Variants in AMPD2 observed in about 807,000 individuals in gnomAD.
AMPD2 encodes the protein AMP deaminase 2.
AMPD2 carries 52 observed loss-of-function variants against 91.3 expected under a neutral mutation model. That is an observed-to-expected ratio of 0.57 (90% confidence interval 0.46 to 0.72). AMPD2 has a LOEUF of 0.72. AMPD2 is among the 30% of genes least tolerant of loss of function. The pLI, the probability that AMPD2 is intolerant of heterozygous loss-of-function variation, is 0.00. For missense variants in AMPD2, 822 were observed against 1,122.3 expected, an observed-to-expected ratio of 0.73 and a Z score of 3.82; for synonymous variants, 455 against 456.4, an observed-to-expected ratio of 1.00 and a Z score of 0.04.
chr1:109,621,408 C>A, intron 2 of AMPD2, 142 bp downstream of exon 2: 1 of 678,850 alleles, frequency 1.5e-6, no homozygotes, highest in Non-Finnish European at 2.4e-6. Flanking sequence ...GTCCCAGGGA[C>A]AGCCGGCTTG....
chr1:109,623,283 C>G (rs77927680), intron 2 of AMPD2, among the ~76,000 whole-genome samples: 2,146 of 152,284 alleles, frequency 0.014, 38 homozygotes, highest in African/African-American at 0.049. Flanking sequence ...GATGAGGACC[C>G]AAAGCCTCCC....
In AMPD2 at chr1:109,630,824, G is replaced by A. The variant is rs186933426; in HGVS notation, c.2268+31G>A. The A allele has an allele frequency of 2.8e-4, 444 of 1,595,748 alleles. 1 individual carries two copies. Among genetic ancestry groups the A allele is most frequent in the South Asian group, 4.8e-4 (43 of 88,776 alleles). On this transcript the variant is annotated intron_variant, in intron 18 of 18. Coordinates refer to ENST00000528667, the MANE Select transcript of AMPD2 (RefSeq NM_001368809.2). ...ACAGCGCCTGCCTGGACCTTGGCAT[G>A]GCATCACTCCTCCCCTCCTCTGCAT...
Position 109,631,298 on chromosome 1 carries a change from C to T in AMPD2, c.*146C>T. ...TCCTACCATGTCACTGTCCCTGGGC[C>T]ACCCAGTGAAAGCAAAGCCTGGGAA... On this transcript the variant is annotated 3_prime_UTR_variant, in exon 19 of 19. Coordinates refer to ENST00000528667, the MANE Select transcript of AMPD2 (RefSeq NM_001368809.2). 2 of 849,722 alleles carry T rather than the reference C, an allele frequency of 2.4e-6. No individual in the cohort carries two copies. Among genetic ancestry groups the T allele is most frequent in the Non-Finnish European group, 3.7e-6 (2 of 537,212 alleles). The allele number at this position is 849,722 out of a possible 1,614,324, so 52.6% of individuals were successfully genotyped here.
Position 109,621,244 on chromosome 1 carries a change from G to T in AMPD2, c.69G>T (p.Leu23=). 6.2e-7 allele frequency: 1 copy of T among 1,612,766 alleles called. No individual in the cohort carries two copies. ...ATCCCTTTAAGAAGCGGGCCAGCCT[G>T]CAGGCCTCCACTGCAGCTCCAGGTG... ...AKYPFKKRAS[L]QASTAAPEAR... The change falls in exon 2 of 19, where the codon CTG becomes CTT. Residue 23 remains leucine, a synonymous_variant. Transcript: ENST00000528667.
Position 109,625,389 on chromosome 1 carries a change from G to A in AMPD2, c.178G>A (p.Asp60Asn), listed in dbSNP as rs754712604. Residue 60 changes from aspartate to asparagine, a missense_variant, in exon 3 of 19, where the codon GAC (aspartate) becomes AAC (asparagine). By Grantham distance (23) the Asp-to-Asn change is conservative (BLOSUM62 1). Coordinates refer to ENST00000528667, the MANE Select transcript of AMPD2 (RefSeq NM_001368809.2). The surrounding 1 kb of genome is among the most constrained non-coding windows in gnomAD (Gnocchi z 4.0). ...PAPCLKHFPL[D>N]LRTSMDGKCK... ...CCCCTGCCTCAAGCACTTCCCGCTC[G>A]ACCTGCGCACGTCTATGGATGGCAA... 74 of 1,613,826 alleles carry A rather than the reference G, an allele frequency of 4.6e-5. No homozygotes were observed. The highest frequency in any genetic ancestry group is 5.7e-5 in the Non-Finnish European group (67 of 1,180,004).
In AMPD2 at chr1:109,625,437, T is replaced by C; in HGVS notation, c.222+4T>C. Reference sequence around the variant, plus strand: ...CAAATGCAAGGAGATCGCCGAGGTATCACCTGGCACCACCCGCACCCTCAC... The same window carrying C: ...CAAATGCAAGGAGATCGCCGAGGTACCACCTGGCACCACCCGCACCCTCAC... On this transcript the variant is annotated splice_donor_region_variant and intron_variant, in intron 3 of 18. Coordinates refer to ENST00000528667, the MANE Select transcript of AMPD2 (RefSeq NM_001368809.2). This position sits in a 1 kb window ranked among gnomAD's most constrained non-coding sequence, Gnocchi z 4.0. The C allele has an allele frequency of 6.2e-7, 1 of 1,613,858 alleles. No homozygotes were observed. The highest frequency in any genetic ancestry group is 8.5e-7 in the Non-Finnish European group (1 of 1,179,948).
chr1:109,630,276 T>C lies in AMPD2; in HGVS notation c.2027T>C (p.Ile676Thr). ...CTGTACTACCTGGCCCAGATCGGCA[T>C]CGCCATGTCTCCGCTCAGCAACAAC... Reference protein sequence around the residue: ...QYLYYLAQIGIAMSPLSNNSL... With the variant: ...QYLYYLAQIGTAMSPLSNNSL... Residue 676 changes from isoleucine (I) to threonine (T), a missense_variant, in exon 17 of 19, where the codon ATC becomes ACC. This residue lies in a region of AMPD2 where 430 missense variants were observed against 606.0 expected (regional missense o/e 0.71). Transcript: ENST00000528667. 6.2e-7 allele frequency: 1 copy of C among 1,613,742 alleles called. No individual in the cohort carries two copies. The highest frequency in any genetic ancestry group is 8.5e-7 in the Non-Finnish European group (1 of 1,179,978).
At position 109,625,539 on chromosome 1, in the gene AMPD2, TC is replaced by T. The variant is rs1650594167; in HGVS notation, c.222+108del. The T allele has an allele frequency of 6.3e-7, 1 of 1,595,704 alleles. No homozygotes were observed. Among genetic ancestry groups the T allele is most frequent in the African/African-American group, 1.3e-5 (1 of 74,832 alleles). On this transcript the variant is annotated intron_variant, in intron 3 of 18. Transcript: ENST00000528667. This position sits in a 1 kb window ranked among gnomAD's most constrained non-coding sequence, Gnocchi z 4.0. ...TCCCCTCACCTCACGCTTGGCTGTC[TC>T]CTGATCCTCAGCCTCTCCCAGGTAC...
At position 109,628,479 on chromosome 1, in the gene AMPD2, T is replaced by A; in HGVS notation, c.1391T>A (p.Phe464Tyr). 6.2e-7 allele frequency: 1 copy of A among 1,612,620 alleles called. No homozygotes were observed. Among genetic ancestry groups the A allele is most frequent in the Non-Finnish European group, 8.5e-7 (1 of 1,179,964 alleles). The part of the protein sequence containing the change: ...KTDNRVSGKY[F>Y]AHIIKEVMSD... The stretch of plus-strand genomic sequence containing the variant: ...GACAACAGGGTATCTGGGAAGTACT[T>A]TGCTCACATCATCAAGGTAAGGAGG... Residue 464 changes from phenylalanine (F) to tyrosine (Y), a missense_variant, in exon 12 of 19, where the codon TTT (phenylalanine) becomes TAT (tyrosine). Phe to Tyr is a conservative substitution (Grantham distance 22). This residue lies in a region of AMPD2 where 430 missense variants were observed against 606.0 expected (regional missense o/e 0.71). Coordinates refer to ENST00000528667, the MANE Select transcript of AMPD2 (RefSeq NM_001368809.2). This position sits in a 1 kb window ranked among gnomAD's most constrained non-coding sequence, Gnocchi z 7.1.
At chr1:109,621,615 T>G (rs1166219130) in intron 2 of AMPD2, among the ~76,000 whole-genome samples, 1 of 152,186 alleles carries the variant, frequency 6.6e-6, no homozygotes, top group Non-Finnish European at 1.5e-5. Context: ...GGACTGACTG[T>G]TTTGTGGACT....
intron 2 of AMPD2, among the ~76,000 whole-genome samples, chr1:109,623,608 G>A (rs1460163450): frequency 6.6e-6 from 1 of 152,210 alleles, no homozygotes; most frequent in Non-Finnish European, 1.5e-5. Context: ...TGAGCAACAA[G>A]GCCACTGCCA....
In AMPD2 at chr1:109,625,322, G is replaced by C; in HGVS notation, c.111G>C (p.Gly37=). ...CTGCAGAGGCTCGGGGTGGTCTGGGGGCCCCTCCGCTGCAGTCTGCCCGAT... is the reference window on the plus strand; with the variant it reads ...CTGCAGAGGCTCGGGGTGGTCTGGGCGCCCCTCCGCTGCAGTCTGCCCGAT... ...TAAPEARGGL[G]APPLQSARSL... Residue 37 remains glycine (G), a synonymous_variant, in exon 3 of 19, where the codon GGG becomes GGC. Transcript: ENST00000528667. The surrounding 1 kb of genome is among the most constrained non-coding windows in gnomAD (Gnocchi z 4.0). 2 of 1,613,116 alleles carry C rather than the reference G, an allele frequency of 1.2e-6. No homozygotes were observed. Among genetic ancestry groups the C allele is most frequent in the Non-Finnish European group, 1.7e-6 (2 of 1,179,794 alleles).
chr1:109,626,526 C>A, intron 6 of AMPD2, 99 bp downstream of exon 6: 3 of 1,352,876 alleles, frequency 2.2e-6, no homozygotes, highest in Non-Finnish European at 2.0e-6. Context: ...AAGGGCGTTT[C>A]TCTTTCCAGC....
chr1:109,629,922 G>A lies in AMPD2; in HGVS notation c.1983+6G>A, dbSNP rs987606646. ...ACGGGCTCCTTCTGCGCAAGGTCAG[G>A]ATCTGCACCCCTAGCCTTCCCTCCC... On this transcript the variant is annotated splice_donor_region_variant and intron_variant, in intron 16 of 18. Transcript: ENST00000528667. 1 of 1,596,258 alleles carries A rather than the reference G, an allele frequency of 6.3e-7. No homozygotes were observed. The highest frequency in any genetic ancestry group is 1.3e-5 in the African/African-American group (1 of 74,594).
chr1:109,627,533 A>G lies in AMPD2; in HGVS notation c.950+15A>G, dbSNP rs1389674017. Reference sequence around the variant, plus strand: ...AATGGCCCCATGTGAGTCCCCTGCCATCCCAGACACTTAGCTCCCCTCCCA... The same window carrying G: ...AATGGCCCCATGTGAGTCCCCTGCCGTCCCAGACACTTAGCTCCCCTCCCA... On this transcript the variant is annotated intron_variant, in intron 9 of 18. Coordinates refer to ENST00000528667, the MANE Select transcript of AMPD2 (RefSeq NM_001368809.2). 6.2e-7 allele frequency: 1 copy of G among 1,613,502 alleles called. No homozygotes were observed. Among genetic ancestry groups the G allele is most frequent in the African/African-American group, 1.3e-5 (1 of 74,902 alleles).
rs374189016 is a variant in AMPD2 at position 109,630,400 on chromosome 1, C to T, written c.2151C>T (p.Phe717=). Residue 717 remains phenylalanine, a synonymous_variant, in exon 17 of 19, where the codon TTC becomes TTT. Coordinates refer to ENST00000528667, the MANE Select transcript of AMPD2 (RefSeq NM_001368809.2). Reference sequence around the variant, plus strand: ...CTGATGATCCCTTGCAGTTCCACTTCACCAAGGTCAGAGCCCAGCAGGCAG... The same window carrying T: ...CTGATGATCCCTTGCAGTTCCACTTTACCAAGGTCAGAGCCCAGCAGGCAG... ...LSTDDPLQFH[F]TKEPLMEEYS... 1 of 1,612,178 alleles carries T rather than the reference C, an allele frequency of 6.2e-7. No homozygotes were observed. The highest frequency in any genetic ancestry group is 1.1e-5 in the South Asian group (1 of 90,986).
chr1:109,628,331 C>T lies in AMPD2; in HGVS notation c.1276-33C>T, dbSNP rs372506098. ...CTGAGTCAGTCAGGGGACCAGGAGT[C>T]ACGGGTGACCTGAGCCTTCCCATGT... On this transcript the variant is annotated intron_variant, in intron 11 of 18. Coordinates refer to ENST00000528667, the MANE Select transcript of AMPD2 (RefSeq NM_001368809.2). The surrounding 1 kb of genome is among the most constrained non-coding windows in gnomAD (Gnocchi z 7.1). 32 of 1,613,360 alleles carry T rather than the reference C, an allele frequency of 2.0e-5. No homozygotes were observed. The Middle Eastern group carries it at 4.9e-4, about 25-fold the overall frequency.
chr1:109,626,461 T>C, intron 6 of AMPD2, 34 bp downstream of exon 6: 1 of 1,558,418 alleles, frequency 6.4e-7, no homozygotes, highest in Middle Eastern at 1.7e-4. Flanking sequence ...TGAGTCGCCA[T>C]CACCTATGTC....
chr1:109,630,156 C>T, intron 16 of AMPD2, 77 bp from the exon 17 acceptor site: 1 of 1,523,760 alleles, frequency 6.6e-7, no homozygotes, highest in Non-Finnish European at 9.0e-7. Context: ...CTGCTGTGGC[C>T]TGGACCCCCA....
Sources: allele counts gnomAD v4.1 joint callset (sites outside exome capture counted in the v4.1 genomes callset), GRCh38; gene constraint gnomAD v4.1.1; regional missense constraint gnomAD v4.1.1; non-coding constraint Gnocchi (gnomAD v3.1); transcripts MANE v1.5; gene names NCBI Gene and HGNC (gene_info 2026-07-23, HGNC 2026-07-21).